Variants in HDAC4 observed in about 807,000 individuals in gnomAD.
HDAC4 encodes histone deacetylase A.
In HDAC4, 16 loss-of-function variants were observed where a neutral mutation model predicts 135.1. That is an observed-to-expected ratio of 0.12 (90% CI 0.08 to 0.18). HDAC4 has a LOEUF of 0.18. Ranked by LOEUF, HDAC4 falls within the 10% of genes least tolerant of loss-of-function variation. The pLI is 1.00. For missense variants in HDAC4, 1,143 were observed against 1,511.8 expected, an observed-to-expected ratio of 0.76 and a Z score of 4.05; for synonymous variants, 685 against 653.4, an observed-to-expected ratio of 1.05 and a Z score of -0.74.
chr2:239,253,803 G>A (rs2048912159), intron 2 of HDAC4, among the ~76,000 whole-genome samples: 1 of 152,118 alleles, frequency 6.6e-6, no homozygotes, highest in Admixed American at 6.5e-5. Context: ...CCTGTTCCTG[G>A]GGCCCAAGAG....
Position 239,115,201 on chromosome 2 carries a change from C to T in HDAC4, c.1643G>A (p.Arg548Gln), listed in dbSNP as rs146432988. 2.0e-4 allele frequency: 315 copies of T among 1,611,718 alleles called. No homozygotes were observed. The highest frequency in any genetic ancestry group is 5.3e-4 in the African/African-American group (40 of 75,070). ...QALLDEPYLD[R>Q]LPGQKEAHAQ... ...GTGCGCCTCCTTCTGCCCCGGCAGC[C>T]GGTCCAGGTAGGGCTCGTCCAGCAG... Residue 548 changes from arginine (R) to glutamine (Q), a missense_variant, in exon 13 of 27, where the codon CGG (arginine) becomes CAG (glutamine). Physicochemically the swap from Arg to Gln is conservative, Grantham distance 43. Coordinates refer to ENST00000543185, the MANE Select transcript of HDAC4 (RefSeq NM_001378414.1). This position sits in a 1 kb window ranked among gnomAD's most constrained non-coding sequence, Gnocchi z 6.3.
At chr2:239,314,780 G>A (rs952145776) in intron 2 of HDAC4, among the ~76,000 whole-genome samples, 2 of 152,182 alleles carry the variant, frequency 1.3e-5, no homozygotes, top group Non-Finnish European at 2.9e-5. Context: ...GACAGAGGAA[G>A]ATATGCTAAC....
intron 16 of HDAC4, among the ~76,000 whole-genome samples, chr2:239,096,033 C>T (rs532085283): frequency 6.6e-6 from 1 of 152,236 alleles, no homozygotes; most frequent in East Asian, 1.9e-4. Context: ...TGTGGGGCTC[C>T]TCTCCCATTC....
At chr2:239,310,411 A>T (rs553876443) in intron 2 of HDAC4, among the ~76,000 whole-genome samples, 1 of 152,198 alleles carries the variant, frequency 6.6e-6, no homozygotes, top group South Asian at 2.1e-4. Flanking sequence ...AACCAAGTAT[A>T]GAGAATGTTT....
At position 239,111,511 on chromosome 2, in the gene HDAC4, A is replaced by G. The variant is rs1213857733; in HGVS notation, c.1978+15T>C. The G allele has an allele frequency of 4.3e-6, 7 of 1,609,774 alleles. No homozygotes were observed. In the East Asian group the frequency reaches 1.6e-4, roughly 36 times the overall value. The stretch of plus-strand genomic sequence containing the variant: ...CCGCGTTGCACCCTCAGGCTGCACA[A>G]AGGCCACGTGTTACCTGTCGTGAAC... On this transcript the variant is annotated intron_variant, in intron 14 of 26. Coordinates refer to ENST00000543185, the MANE Select transcript of HDAC4 (RefSeq NM_001378414.1).
At chr2:239,367,738 A>G (rs1364112108) in intron 1 of HDAC4, among the ~76,000 whole-genome samples, 2 of 152,212 alleles carry the variant, frequency 1.3e-5, no homozygotes, top group Non-Finnish European at 2.9e-5. Context: ...CACTAATCTC[A>G]GCACTTTGGG....
At chr2:239,334,232 C>T (rs972490813) in intron 2 of HDAC4, among the ~76,000 whole-genome samples, 5 of 152,096 alleles carry the variant, frequency 3.3e-5, no homozygotes, top group Admixed American at 2.6e-4. Context: ...AAATAAAAGA[C>T]CTCTAGGCCA....
rs1448922248 is a variant in HDAC4, at chr2:239,051,929, CTTGGAATACA to C, written c.*1158_*1167del. The C allele has an allele frequency of 2.0e-5, 3 of 151,260 alleles. No homozygotes were observed. The highest frequency in any genetic ancestry group is 7.3e-5 in the African/African-American group (3 of 41,206). The allele number at this position is 151,260 out of a possible 1,614,324, so 9.4% of individuals were successfully genotyped here. A position where few individuals can be genotyped will look rare whatever the true frequency, so the allele number is the denominator to read the frequency against. On this transcript the variant is annotated 3_prime_UTR_variant, in exon 27 of 27. Transcript: ENST00000543185. ...CATAAGAATCAAGTAAGTTTCTTAG[CTTGGAATACA>C]TTGGAATATATATTATACATATATA...
At position 239,144,559 on chromosome 2, in the gene HDAC4, G is replaced by T. The variant is rs564129119; in HGVS notation, c.865+24C>A. 176 of 1,612,770 alleles carry T rather than the reference G, an allele frequency of 1.1e-4. 4 individuals carry two copies. In the South Asian group the frequency reaches 1.8e-3, roughly 16 times the overall value. ...GCCTGGCAGAGAGGGCAGCGGGGCG[G>T]GTGTACCTGCTCAGCCGACATACCT... On this transcript the variant is annotated intron_variant, in intron 8 of 26. Coordinates refer to ENST00000543185, the MANE Select transcript of HDAC4 (RefSeq NM_001378414.1).
chr2:239,247,194 A>G (rs2048517337), intron 2 of HDAC4, among the ~76,000 whole-genome samples: 1 of 152,186 alleles, frequency 6.6e-6, no homozygotes, highest in Non-Finnish European at 1.5e-5. Flanking sequence ...GGGCAAACCA[A>G]AAGGCCCACT....
rs1178238636 is a variant in HDAC4 at position 239,331,549 on chromosome 2, C to T, written c.22+21129G>A. Reference sequence around the variant, plus strand: ...GCAAGCTGGGACTCGTGAACTAAGCCGCCCAGATAGTGAGTTCTACGGGGG... The same window carrying T: ...GCAAGCTGGGACTCGTGAACTAAGCTGCCCAGATAGTGAGTTCTACGGGGG... On this transcript the variant is annotated intron_variant, in intron 2 of 26. Coordinates refer to ENST00000543185, the MANE Select transcript of HDAC4 (RefSeq NM_001378414.1). This position sits in a 1 kb window ranked among gnomAD's most constrained non-coding sequence, Gnocchi z 4.5. Among the ~76,000 whole-genome samples, 2 of 152,092 alleles carry T rather than the reference C, an allele frequency of 1.3e-5. No individual in the cohort carries two copies. Among genetic ancestry groups the T allele is most frequent in the African/African-American group, 2.4e-5 (1 of 41,410 alleles).
At chr2:239,327,147 A>C (rs915022592) in intron 2 of HDAC4, among the ~76,000 whole-genome samples, 5 of 152,264 alleles carry the variant, frequency 3.3e-5, no homozygotes, top group Admixed American at 1.3e-4. Context: ...GCCTGGGGTC[A>C]GAAGGCGGCA....
chr2:239,247,684 T>C (rs1318946020), intron 2 of HDAC4, among the ~76,000 whole-genome samples: 1 of 152,200 alleles, frequency 6.6e-6, no homozygotes, highest in Non-Finnish European at 1.5e-5. Context: ...GGCAGGAAGC[T>C]GGAAAATAGG....
intron 13 of HDAC4, 69 bp from the exon 14 acceptor site, chr2:239,111,781 T>C (rs1575067248): frequency 8.6e-6 from 12 of 1,393,090 alleles, no homozygotes; most frequent in South Asian, 1.2e-5. Flanking sequence ...GGGCTAGGGG[T>C]TGCCCTCTCT....
Position 239,223,976 on chromosome 2 carries a change from C to A in HDAC4, c.94+12617G>T, listed in dbSNP as rs114475729. ...CTGCTATGAATGCCCAGCGCAGGCC[C>A]CTCCCACGTTCAGCGCAGGCTCGCC... is the stretch of plus-strand genomic sequence containing the variant. On this transcript the variant is annotated intron_variant, in intron 3 of 26. Transcript: ENST00000543185. Among the ~76,000 whole-genome samples the A allele has an allele frequency of 6.2e-3, 942 of 152,228 alleles. 20 individuals are homozygous for A. The East Asian group carries it at 0.085, about 14-fold the overall frequency.
At chr2:239,248,241 C>A (rs1017895067) in intron 2 of HDAC4, among the ~76,000 whole-genome samples, 1 of 151,682 alleles carries the variant, frequency 6.6e-6, no homozygotes, top group South Asian at 2.1e-4. Context: ...AGTGCAGTGG[C>A]GTGATCTCGG....
intron 2 of HDAC4, among the ~76,000 whole-genome samples, chr2:239,336,397 A>T (rs1575711371): frequency 6.6e-6 from 1 of 152,306 alleles, no homozygotes; most frequent in East Asian, 1.9e-4. Context: ...TCACTTAGAC[A>T]TTGGCGGTCT....
intron 21 of HDAC4, 28 bp from the exon 22 acceptor site, chr2:239,081,220 T>C: frequency 6.3e-7 from 1 of 1,584,252 alleles, no homozygotes; most frequent in Non-Finnish European, 8.6e-7. Context: ...GAAACACACG[T>C]CATGGACCCC....
intron 24 of HDAC4, among the ~76,000 whole-genome samples, chr2:239,057,128 T>A (rs2031974472): frequency 6.6e-6 from 1 of 152,198 alleles, no homozygotes; most frequent in African/African-American, 2.4e-5. Flanking sequence ...GACAAACGAC[T>A]CATATCGAAG....
Sources: gnomAD v4.1 joint callset for allele counts (sites outside exome capture counted in the v4.1 genomes callset) on GRCh38, gnomAD v4.1.1 for gene constraint, Gnocchi (gnomAD v3.1) non-coding constraint, MANE v1.5 for transcripts, NCBI Gene and HGNC (gene_info 2026-07-23, HGNC 2026-07-21) for gene names.